Variants in POLD1 observed in about 807,000 individuals in gnomAD.
POLD1 encodes the protein DNA polymerase delta catalytic subunit.
Under a neutral mutation model 129.7 loss-of-function variants are expected in POLD1, and 79 were observed. That is an observed-to-expected ratio of 0.61 (90% CI 0.51 to 0.73). POLD1 has a LOEUF of 0.73. Among genes scored for constraint, POLD1 ranks in the 30% least tolerant of loss-of-function variants. POLD1 has a pLI of 0.00. For missense variants in POLD1, 1,338 were observed against 1,595.8 expected, an observed-to-expected ratio of 0.84 and a Z score of 2.75; for synonymous variants, 714 against 683.3, an observed-to-expected ratio of 1.04 and a Z score of -0.70.
intron 1 of POLD1, among the ~76,000 whole-genome samples, chr19:50,387,992 C>CA (rs1322999125): frequency 6.6e-6 from 1 of 152,092 alleles, no homozygotes; most frequent in African/African-American, 2.4e-5. Flanking sequence ...AAGTACTCAG[C>CA]AAAAAAGGGA....
intron 14 of POLD1, 129 bp downstream of exon 14, chr19:50,407,544 TTTA>T (rs1164922193): frequency 4.9e-6 from 2 of 406,526 alleles, no homozygotes; most frequent in African/African-American, 4.4e-5. Context: ...ACAAAATTTT[TTTA>T]TTTTTATTTA....
chr19:50,402,174 A>G (rs747851800), intron 5 of POLD1, 31 bp from the exon 6 acceptor site: 14 of 1,588,060 alleles, frequency 8.8e-6, no homozygotes, highest in Admixed American at 1.7e-5. Flanking sequence ...TCGGGAGGCC[A>G]TTGGCTGGTC....
chr19:50,408,632 C>G, intron 14 of POLD1, 153 bp from the exon 15 acceptor site: 1 of 1,181,512 alleles, frequency 8.5e-7, no homozygotes, highest in Non-Finnish European at 1.2e-6. Flanking sequence ...ATCCTCCTGC[C>G]TCAGCCTCCC....
Position 50,386,895 on chromosome 19 carries a change from A to G in POLD1, c.-2+2505A>G, listed in dbSNP as rs547167615. On this transcript the variant is annotated intron_variant, in intron 1 of 26. Coordinates refer to ENST00000440232, the MANE Select transcript of POLD1 (RefSeq NM_002691.4). Reference sequence around the variant, plus strand: ...AACATAGCAAGACCCTGTCTCTACAAAAAATACAAAAGCTAGGCCGGGCGC... The same window carrying G: ...AACATAGCAAGACCCTGTCTCTACAGAAAATACAAAAGCTAGGCCGGGCGC... 9.2e-4 allele frequency among the ~76,000 whole-genome samples: 140 copies of G among 152,350 alleles called. 1 individual carries two copies. The highest frequency in any genetic ancestry group is 1.8e-3 in the Non-Finnish European group (124 of 68,030).
chr19:50,409,599 G>A lies in POLD1; in HGVS notation c.2087G>A (p.Ser696Asn), dbSNP rs777542518. The change falls in exon 17 of 27, where the codon AGC becomes AAC. Residue 696 changes from serine (S) to asparagine (N), a missense_variant. Coordinates refer to ENST00000440232, the MANE Select transcript of POLD1 (RefSeq NM_002691.4). This position sits in a 1 kb window ranked among gnomAD's most constrained non-coding sequence, Gnocchi z 5.8. The part of the protein sequence containing the change: ...LDGRQLALKV[S>N]ANSVYGFTGA... ...GGACGGCAGCTGGCGCTGAAGGTGAGCGCCAACTCCGTATACGGCTTCACT... is the reference window on the plus strand; with the variant it reads ...GGACGGCAGCTGGCGCTGAAGGTGAACGCCAACTCCGTATACGGCTTCACT... 5.0e-6 allele frequency: 8 copies of A among 1,613,394 alleles called. No individual in the cohort carries two copies. In the South Asian group the frequency reaches 8.8e-5, roughly 18 times the overall value.
chr19:50,414,388 G>A (rs1187922492), intron 19 of POLD1, among the ~76,000 whole-genome samples: 8 of 152,348 alleles, frequency 5.3e-5, no homozygotes, highest in African/African-American at 2.4e-5. Flanking sequence ...GAGCCGCCAC[G>A]CCCAGTTCTC....
chr19:50,406,959 G>A lies in POLD1; in HGVS notation c.1495-24G>A. ...CTCCCACCCCCAACCCCTGGTCCCTGACCCCATCCGTGCCCATCCCCAGAA... is the reference window on the plus strand; with the variant it reads ...CTCCCACCCCCAACCCCTGGTCCCTAACCCCATCCGTGCCCATCCCCAGAA... On this transcript the variant is annotated intron_variant, in intron 12 of 26. Coordinates refer to ENST00000440232, the MANE Select transcript of POLD1 (RefSeq NM_002691.4). The surrounding 1 kb of genome is among the most constrained non-coding windows in gnomAD (Gnocchi z 5.5). 1.3e-6 allele frequency: 2 copies of A among 1,496,204 alleles called. No homozygotes were observed. The highest frequency in any genetic ancestry group is 1.8e-6 in the Non-Finnish European group (2 of 1,110,550). The allele number at this position is 1,496,204 out of a possible 1,614,324, so 92.7% of individuals were successfully genotyped here. A position where few individuals can be genotyped will look rare whatever the true frequency, so the allele number is the denominator to read the frequency against.
chr19:50,395,876 CTTTTTTT>C (rs774272686), intron 1 of POLD1, among the ~76,000 whole-genome samples: 7 of 73,658 alleles, frequency 9.5e-5, no homozygotes, highest in African/African-American at 3.4e-4. Context: ...AGGATATATA[CTTTTTTT>C]TTTTTTTTTT....
chr19:50,395,457 G>A (rs1276474793), intron 1 of POLD1, among the ~76,000 whole-genome samples: 1 of 152,026 alleles, frequency 6.6e-6, no homozygotes, highest in Non-Finnish European at 1.5e-5. Context: ...AGTGGCGGAC[G>A]CCTGTAGTCC....
At chr19:50,405,888 C>T (rs989453310) in intron 10 of POLD1, among the ~76,000 whole-genome samples, 32 of 152,158 alleles carry the variant, frequency 2.1e-4, no homozygotes, top group Non-Finnish European at 4.4e-4. Flanking sequence ...AAATCTCTTC[C>T]TGTTTCCTGC....
intron 17 of POLD1, 81 bp from the exon 18 acceptor site, chr19:50,413,345 G>A: frequency 8.6e-7 from 1 of 1,159,034 alleles, no homozygotes; most frequent in African/African-American, 1.5e-5. Flanking sequence ...AAATGGCAGA[G>A]GCGGGACCCC....
chr19:50,402,410 C>A, intron 6 of POLD1, 37 bp downstream of exon 6: 1 of 1,613,396 alleles, frequency 6.2e-7, no homozygotes. Flanking sequence ...CCTCTATCCC[C>A]ACCCTCGGGC....
chr19:50,384,847 G>A lies in POLD1; in HGVS notation c.-2+457G>A, dbSNP rs571804816. On this transcript the variant is annotated intron_variant, in intron 1 of 26. Transcript: ENST00000440232. ...GCTCTGGGGCTGTGAGATGCTCTCA[G>A]AAGGAAACTAACGCAGGGTAACGTG... is the stretch of plus-strand genomic sequence containing the variant. Among the ~76,000 whole-genome samples, 414 of 152,320 alleles carry A rather than the reference G, an allele frequency of 2.7e-3. 4 individuals are homozygous for A. Among genetic ancestry groups the A allele is most frequent in the African/African-American group, 9.6e-3 (401 of 41,572 alleles).
At chr19:50,405,136 C>G (rs1357083316) in intron 10 of POLD1, among the ~76,000 whole-genome samples, 2 of 152,108 alleles carry the variant, frequency 1.3e-5, no homozygotes, top group African/African-American at 4.8e-5. Context: ...TGGTCTCCAT[C>G]CTCACCTCAG....
chr19:50,403,135 A>G lies in POLD1; in HGVS notation c.1053A>G (p.Leu351=), dbSNP rs1333812146. The G allele has an allele frequency of 6.4e-7, 1 of 1,561,472 alleles. No homozygotes were observed. Among genetic ancestry groups the G allele is most frequent in the East Asian group, 2.4e-5 (1 of 41,840 alleles). ...GCTGGGGGGAGCCGGAGCCCTTCCT[A>G]CGCCTGGCGCTCACCCTGCGGCCCT... ...GLRWGEPEPF[L]RLALTLRPCA... Residue 351 remains leucine (L), a synonymous_variant, in exon 9 of 27, where the codon CTA becomes CTG. Transcript: ENST00000440232.
Position 50,397,090 on chromosome 19 carries a change from CA to C in POLD1, c.-1-1744del, listed in dbSNP as rs781378096. Among the ~76,000 whole-genome samples, 773 of 77,612 alleles carry C rather than the reference CA, an allele frequency of 1.0e-2. 2 individuals are homozygous for C. The highest frequency in any genetic ancestry group is 0.015 in the Non-Finnish European group (518 of 35,106). 50.9% of individuals were successfully genotyped at this position (77,612 alleles called of 152,430 possible). Reference sequence around the variant, plus strand: ...TGGGTGACAGAGCGAGACTCCATCTCAAAAAAAAAAAAAAAAAGAAAACACA... The same window carrying C: ...TGGGTGACAGAGCGAGACTCCATCTCAAAAAAAAAAAAAAAAGAAAACACA... On this transcript the variant is annotated intron_variant, in intron 1 of 26. Transcript: ENST00000440232.
At chr19:50,414,141 C>CA (rs1187597761) in intron 19 of POLD1, among the ~76,000 whole-genome samples, 1 of 152,248 alleles carries the variant, frequency 6.6e-6, no homozygotes, top group African/African-American at 2.4e-5. Flanking sequence ...CAGTACCTGT[C>CA]AGATGTGGAG....
Position 50,409,450 on chromosome 19 carries a change from C to G in POLD1, c.2007-69C>G. The G allele has an allele frequency of 2.5e-6, 4 of 1,603,074 alleles. No individual in the cohort carries two copies. Among genetic ancestry groups the G allele is most frequent in the Non-Finnish European group, 3.4e-6 (4 of 1,171,762 alleles). ...TACGCCCAACCGTACATGGCACTCA[C>G]TTCCAGAAAGGAGCCCTGACCAATG... On this transcript the variant is annotated intron_variant, in intron 16 of 26. Coordinates refer to ENST00000440232, the MANE Select transcript of POLD1 (RefSeq NM_002691.4). The surrounding 1 kb of genome is among the most constrained non-coding windows in gnomAD (Gnocchi z 5.8).
chr19:50,394,519 A>G (rs2038276360), intron 1 of POLD1, among the ~76,000 whole-genome samples: 1 of 151,970 alleles, frequency 6.6e-6, no homozygotes, highest in Non-Finnish European at 1.5e-5. Context: ...AGCGGGTATG[A>G]TGGTGGACGC....
Sources: gnomAD v4.1 joint callset for allele counts (sites outside exome capture counted in the v4.1 genomes callset) on GRCh38, gnomAD v4.1.1 for gene constraint, Gnocchi (gnomAD v3.1) non-coding constraint, MANE v1.5 for transcripts, NCBI Gene and HGNC (gene_info 2026-07-23, HGNC 2026-07-21) for gene names.